The following TCF4 variants were observed in gnomAD, a reference collection of about 807,000 sequenced individuals.
TCF4 encodes the protein SL3-3 enhancer factor 2.
TCF4 carries 3 observed loss-of-function variants against 82.1 expected under a neutral mutation model. That is an observed-to-expected ratio of 0.04 (90% CI 0.02 to 0.09). The LOEUF is 0.09. Among genes scored for constraint, TCF4 ranks in the 10% least tolerant of loss-of-function variants. TCF4 has a pLI of 1.00. For missense variants in TCF4, 518 were observed against 852.7 expected, an observed-to-expected ratio of 0.61 and a Z score of 4.89; for synonymous variants, 276 against 309.6, an observed-to-expected ratio of 0.89 and a Z score of 1.14.
upstream of TCF4, among the ~76,000 whole-genome samples, chr18:55,591,846 T>C (rs1053213818): frequency 1.3e-5 from 2 of 152,130 alleles, no homozygotes; most frequent in African/African-American, 4.8e-5. Context: ...GGGCAATAAA[T>C]AATCTATCCA....
intron 2 of TCF4, among the ~76,000 whole-genome samples, chr18:55,611,646 C>A (rs977656821): frequency 1.3e-5 from 2 of 151,774 alleles, no homozygotes; most frequent in Non-Finnish European, 2.9e-5. Context: ...TTGAAATCTT[C>A]TAGGAATTAC....
intron 8 of TCF4, among the ~76,000 whole-genome samples, chr18:55,311,442 A>G (rs1316125542): frequency 1.3e-5 from 2 of 152,196 alleles, no homozygotes; most frequent in African/African-American, 4.8e-5. Context: ...GTGACAATCA[A>G]AAGCGTTTCC....
chr18:55,351,555 C>A (rs924578757), intron 6 of TCF4, among the ~76,000 whole-genome samples: 6 of 152,048 alleles, frequency 3.9e-5, no homozygotes, highest in Non-Finnish European at 7.4e-5. Flanking sequence ...AATCCTCACA[C>A]TAACTCTCAA....
chr18:55,607,249 T>C (rs2097703009), intron 2 of TCF4, among the ~76,000 whole-genome samples: 1 of 152,228 alleles, frequency 6.6e-6, no homozygotes, highest in South Asian at 2.1e-4. Flanking sequence ...GGAAGTACTT[T>C]TGATTATCTG....
At chr18:55,488,147 T>C (rs2096536994) in intron 3 of TCF4, among the ~76,000 whole-genome samples, 1 of 152,234 alleles carries the variant, frequency 6.6e-6, no homozygotes, top group East Asian at 1.9e-4. Flanking sequence ...TATGAGGTTC[T>C]ATATTCAGTT....
At chr18:55,465,022 T>C (rs1603487827) in intron 3 of TCF4, among the ~76,000 whole-genome samples, 1 of 152,316 alleles carries the variant, frequency 6.6e-6, no homozygotes, top group East Asian at 1.9e-4. Flanking sequence ...GTTTTAAAGA[T>C]CAGTTGCTCT....
chr18:55,483,634 G>C (rs2145633589), intron 3 of TCF4, among the ~76,000 whole-genome samples: 1 of 152,288 alleles, frequency 6.6e-6, no homozygotes, highest in Admixed American at 6.5e-5. Context: ...TGCTCACTTT[G>C]ATATGCACCC....
At chr18:55,319,923 T>C (rs751174049) in intron 8 of TCF4, among the ~76,000 whole-genome samples, 2 of 152,184 alleles carry the variant, frequency 1.3e-5, no homozygotes, top group Non-Finnish European at 2.9e-5. Context: ...AGTCACATCA[T>C]TGGTAATCCT....
At chr18:55,297,006 TTCTC>T (rs969915469) in intron 8 of TCF4, among the ~76,000 whole-genome samples, 27 of 152,258 alleles carry the variant, frequency 1.8e-4, no homozygotes, top group African/African-American at 4.6e-4. Context: ...TTCTCAGCAC[TTCTC>T]TCTATTTTTC....
At position 55,554,323 on chromosome 18, in the gene TCF4, T is replaced by C. The variant is rs372710953; in HGVS notation, c.145+30957A>G. On this transcript the variant is annotated intron_variant, in intron 3 of 19. Coordinates refer to ENST00000354452, the MANE Select transcript of TCF4 (RefSeq NM_001083962.2). ...CATCTATTGAGAAAGCAGAAAAAAT[T>C]TGAAAAAATTTAATTTATTAATAAA... 9.2e-5 allele frequency among the ~76,000 whole-genome samples: 14 copies of C among 152,110 alleles called. 1 individual carries two copies. The South Asian group carries it at 2.3e-3, about 25-fold the overall frequency.
At chr18:55,621,648 C>CATTATATAATATATAT (rs2097719750) in intron 2 of TCF4, among the ~76,000 whole-genome samples, 2 of 9,964 alleles carry the variant, frequency 2.0e-4, no homozygotes, top group East Asian at 4.0e-3. Context: ...ATATAATATA[C>CATTATATAATATATAT]ATTATATAAT....
chr18:55,453,070 A>G (rs1405343967), intron 5 of TCF4, among the ~76,000 whole-genome samples: 2 of 152,214 alleles, frequency 1.3e-5, no homozygotes, highest in East Asian at 3.8e-4. Flanking sequence ...TATGAGTCCC[A>G]AACTTGCTTC....
intron 8 of TCF4, among the ~76,000 whole-genome samples, chr18:55,343,634 C>T (rs1214770209): frequency 2.6e-5 from 4 of 152,104 alleles, no homozygotes; most frequent in Non-Finnish European, 4.4e-5. Flanking sequence ...GAAACTTCTG[C>T]ACTACCTTAA....
At chr18:55,299,470 G>GTTTTTTTTTTTTTTTTTTTTTTTTT in intron 8 of TCF4, among the ~76,000 whole-genome samples, 1 of 115,196 alleles carries the variant, frequency 8.7e-6, no homozygotes, top group African/African-American at 3.3e-5. Flanking sequence ...TTTTTTTTTT[G>GTTTTTTTTTTTTTTTTTTTTTTTTT]GGTCTGGTTT....
At chr18:55,628,795 C>T (rs1603625716) in intron 2 of TCF4, among the ~76,000 whole-genome samples, 1 of 152,302 alleles carries the variant, frequency 6.6e-6, no homozygotes, top group South Asian at 2.1e-4. Context: ...TTTGCAAAAA[C>T]ACTCATCTGG....
chr18:55,545,050 G>A (rs1323574823), intron 3 of TCF4, among the ~76,000 whole-genome samples: 2 of 152,196 alleles, frequency 1.3e-5, no homozygotes, highest in African/African-American at 4.8e-5. Context: ...TCTAGAAAGA[G>A]ACTAAAGTGC....
intron 6 of TCF4, among the ~76,000 whole-genome samples, chr18:55,397,700 G>C (rs912359391): frequency 1.3e-5 from 2 of 152,144 alleles, no homozygotes; most frequent in Non-Finnish European, 2.9e-5. Flanking sequence ...AATATGGACT[G>C]AGATTAAGAA....
intron 2 of TCF4, among the ~76,000 whole-genome samples, chr18:55,601,820 A>T (rs1346146235): frequency 1.3e-5 from 2 of 152,180 alleles, no homozygotes; most frequent in Non-Finnish European, 2.9e-5. Flanking sequence ...TCAAGGTGAC[A>T]AGTATTCACC....
chr18:55,449,603 A>G (rs1291919200), intron 5 of TCF4, among the ~76,000 whole-genome samples: 7 of 152,262 alleles, frequency 4.6e-5, no homozygotes, highest in Admixed American at 4.6e-4. Flanking sequence ...TTAAGAGTAC[A>G]GCTTGGTCTG....
Sources: allele counts gnomAD v4.1 joint callset (sites outside exome capture counted in the v4.1 genomes callset), GRCh38; gene constraint gnomAD v4.1.1; transcripts MANE v1.5; gene names NCBI Gene and HGNC (gene_info 2026-07-23, HGNC 2026-07-21).